The following CEP43 variants were observed in gnomAD, a reference collection of about 807,000 sequenced individuals.
CEP43 encodes the protein centrosomal protein 43, also known as FGFR1 oncogene partner.
In CEP43, 36 loss-of-function variants were observed where a neutral mutation model predicts 52.6. The ratio of observed to expected loss-of-function variants is 0.68; its 90% CI spans 0.52 to 0.90. The LOEUF is 0.90. CEP43 is among the 40% of genes least tolerant of loss of function. The pLI is 0.00. For missense variants in CEP43, 506 were observed against 472.8 expected (o/e 1.07, Z -0.65); for synonymous variants, 192 against 172.4 (o/e 1.11, Z -0.89).
intron 12 of CEP43, among the ~76,000 whole-genome samples, chr6:167,035,701 G>T (rs1259434633): frequency 1.3e-5 from 2 of 152,010 alleles, no homozygotes; most frequent in African/African-American, 4.8e-5. Flanking sequence ...CGCGTAGCTG[G>T]GACTACAGGC....
At chr6:167,003,093 T>C (rs747178511) in intron 2 of CEP43, 100 bp from the exon 3 acceptor site, 5 of 573,248 alleles carry the variant, frequency 8.7e-6, no homozygotes, top group South Asian at 2.5e-5. Context: ...AGAATGGATT[T>C]TGTAAAACCA....
chr6:167,003,174 AT>A lies in CEP43; in HGVS notation c.157-6del, dbSNP rs576046562. The A allele has an allele frequency of 0.091, 75,562 of 833,336 alleles. 3 individuals carry two copies. The highest frequency in any genetic ancestry group is 0.11 in the South Asian group (5,377 of 47,434). 51.6% of individuals were successfully genotyped at this position (833,336 alleles called of 1,614,324 possible). On this transcript the variant is annotated intron_variant, in intron 2 of 12. Coordinates refer to ENST00000366847, the MANE Select transcript of CEP43 (RefSeq NM_007045.4). ...TTTAGGGTAAACACATGACACTTAAATTTTTTTTTTTTTAACAGAACAAAAC... is the reference window on the plus strand; with the variant it reads ...TTTAGGGTAAACACATGACACTTAAATTTTTTTTTTTTAACAGAACAAAAC...
In CEP43 at chr6:167,002,168, A is replaced by G. The variant is rs1223561106; in HGVS notation, c.157-1025A>G. 2.6e-5 allele frequency among the ~76,000 whole-genome samples: 4 copies of G among 152,156 alleles called. No homozygotes were observed. The East Asian group carries it at 7.7e-4, about 29-fold the overall frequency. On this transcript the variant is annotated intron_variant, in intron 2 of 12. Transcript: ENST00000366847. ...CATATCCTTCAAACTTTTGACCTTC[A>G]AAAGTTTTCCTTGTGCCCCTTATGT...
intron 7 of CEP43, among the ~76,000 whole-genome samples, chr6:167,016,529 T>C (rs1031970531): frequency 6.6e-6 from 1 of 152,264 alleles, no homozygotes; most frequent in Middle Eastern, 3.2e-3. Context: ...CCCAAAGTGC[T>C]GGGATTACAG....
rs756608056 is a variant in CEP43 at position 167,026,539 on chromosome 6, G to A, written c.920-8G>A. The A allele has an allele frequency of 6.4e-7, 1 of 1,552,644 alleles. No individual in the cohort carries two copies. Among genetic ancestry groups the A allele is most frequent in the African/African-American group, 1.4e-5 (1 of 73,862 alleles). On this transcript the variant is annotated splice_polypyrimidine_tract_variant and splice_region_variant and intron_variant, in intron 9 of 12. Coordinates refer to ENST00000366847, the MANE Select transcript of CEP43 (RefSeq NM_007045.4). ...CACTCTAATGTTAATATTTTCTCCT[G>A]TTCACAGGTAAAAGGGGAAATACAG...
rs1780868549 is a variant in CEP43, at chr6:167,051,434, A to C, written c.*11456A>C. 6.6e-6 allele frequency: 1 copy of C among 152,326 alleles called. No individual in the cohort carries two copies. Among genetic ancestry groups the C allele is most frequent in the Non-Finnish European group, 1.5e-5 (1 of 68,126 alleles). The allele number at this position is 152,326 out of a possible 1,614,324, so 9.4% of individuals were successfully genotyped here. ...CTTGGCCCATGCCCAGGAATGACCAAGGGCAATTTGGAGATTAAAGTCAAG... is the reference window on the plus strand; with the variant it reads ...CTTGGCCCATGCCCAGGAATGACCACGGGCAATTTGGAGATTAAAGTCAAG... On this transcript the variant is annotated 3_prime_UTR_variant, in exon 13 of 13. Transcript: ENST00000366847.
At position 167,005,075 on chromosome 6, in the gene CEP43, CTG is replaced by C. The variant is rs1779822629; in HGVS notation, c.438+676_438+677del. On this transcript the variant is annotated intron_variant, in intron 5 of 12. Coordinates refer to ENST00000366847, the MANE Select transcript of CEP43 (RefSeq NM_007045.4). ...TTATAGATACAGGTAACATCTGTAA[CTG>C]TTCCAGATATTTGATTAAATGTGAG... 2.6e-5 allele frequency among the ~76,000 whole-genome samples: 4 copies of C among 152,256 alleles called. No homozygotes were observed. The South Asian group carries it at 8.3e-4, about 32-fold the overall frequency.
intron 2 of CEP43, 78 bp downstream of exon 2, chr6:167,000,191 T>C (rs1163248255): frequency 9.8e-6 from 11 of 1,124,946 alleles, no homozygotes; most frequent in East Asian, 9.6e-5. Context: ...GTCTTAAAAA[T>C]AGTTTATAGT....
At chr6:167,003,340 T>C (rs1282535575) in intron 3 of CEP43, 93 bp downstream of exon 3, 11 of 651,072 alleles carry the variant, frequency 1.7e-5, no homozygotes, top group Non-Finnish European at 2.6e-5. Flanking sequence ...GGCTTTTTTT[T>C]TGTCTTCAAT....
At position 167,051,072 on chromosome 6, in the gene CEP43, T is replaced by G. The variant is rs1780864665; in HGVS notation, c.*11094T>G. 1 of 152,152 alleles carries G rather than the reference T, an allele frequency of 6.6e-6. No homozygotes were observed. The highest frequency in any genetic ancestry group is 1.5e-5 in the Non-Finnish European group (1 of 68,022). 9.4% of individuals were successfully genotyped at this position (152,152 alleles called of 1,614,324 possible). A position where few individuals can be genotyped will look rare whatever the true frequency, so the allele number is the denominator to read the frequency against. On this transcript the variant is annotated 3_prime_UTR_variant, in exon 13 of 13. Transcript: ENST00000366847. Reference sequence around the variant, plus strand: ...GTTTCTTGTGTACTAAGTCAGCTTCTGGGTGGGGGCCAGAGGACCAGTTGA... The same window carrying G: ...GTTTCTTGTGTACTAAGTCAGCTTCGGGGTGGGGGCCAGAGGACCAGTTGA...
chr6:167,041,967 G>A lies in CEP43; in HGVS notation c.*1989G>A, dbSNP rs549611850. 40 of 396,908 alleles carry A rather than the reference G, an allele frequency of 1.0e-4. No homozygotes were observed. The East Asian group carries it at 3.3e-3, about 33-fold the overall frequency. The allele number at this position is 396,908 out of a possible 1,614,324, so 24.6% of individuals were successfully genotyped here. ...GCCTCCTGAGTAGCTGGGATTACAG[G>A]TGCACACCACCACGCCCGGCTAATT... is the stretch of plus-strand genomic sequence containing the variant. On this transcript the variant is annotated 3_prime_UTR_variant, in exon 13 of 13. Coordinates refer to ENST00000366847, the MANE Select transcript of CEP43 (RefSeq NM_007045.4).
intron 2 of CEP43, among the ~76,000 whole-genome samples, chr6:167,002,590 C>T (rs973620744): frequency 2.6e-5 from 4 of 152,196 alleles, no homozygotes; most frequent in African/African-American, 7.2e-5. Context: ...TTCCCATCAG[C>T]AGTGTATGAG....
intron 9 of CEP43, 172 bp downstream of exon 9, chr6:167,025,066 G>C (rs1260026900): frequency 3.7e-6 from 2 of 537,874 alleles, no homozygotes; most frequent in African/African-American, 3.9e-5. Context: ...CTTCTAAGGT[G>C]GTCCTATTTT....
chr6:167,008,135 T>C (rs549785404), intron 5 of CEP43, among the ~76,000 whole-genome samples: 99 of 152,314 alleles, frequency 6.5e-4, no homozygotes, highest in South Asian at 1.2e-3. Flanking sequence ...TTTTTTTTTT[T>C]TTAATGTGGA....
At chr6:167,002,242 C>T (rs1013481229) in intron 2 of CEP43, among the ~76,000 whole-genome samples, 2 of 151,984 alleles carry the variant, frequency 1.3e-5, no homozygotes, top group Non-Finnish European at 2.9e-5. Context: ...TAAATGGAAT[C>T]GTATAGTAGG....
intron 5 of CEP43, among the ~76,000 whole-genome samples, chr6:167,006,358 T>G (rs1779853886): frequency 6.6e-6 from 1 of 151,830 alleles, no homozygotes. Flanking sequence ...CTACTAAAAA[T>G]AGAAAAATTA....
Position 167,038,234 on chromosome 6 carries a change from G to A in CEP43, c.1126-1670G>A, listed in dbSNP as rs111490670. On this transcript the variant is annotated intron_variant, in intron 12 of 12. Transcript: ENST00000366847. ...GTTTAAACAGAAGTAGAAATGAGTC[G>A]TTTCTTACAACACTTTGTGAACCCG... Among the ~76,000 whole-genome samples, 586 of 152,264 alleles carry A rather than the reference G, an allele frequency of 3.8e-3. 4 individuals carry two copies. The highest frequency in any genetic ancestry group is 5.5e-3 in the Non-Finnish European group (374 of 68,008).
At chr6:167,022,911 C>T (rs1780270318) in intron 8 of CEP43, among the ~76,000 whole-genome samples, 1 of 152,070 alleles carries the variant, frequency 6.6e-6, no homozygotes, top group Admixed American at 6.5e-5. Flanking sequence ...AGAGGGAAGA[C>T]TCCTGCCCTC....
Position 167,040,449 on chromosome 6 carries a change from G to A in CEP43, c.*471G>A, listed in dbSNP as rs555550105. The A allele has an allele frequency of 3.1e-5, 38 of 1,212,552 alleles. No individual in the cohort carries two copies. The highest frequency in any genetic ancestry group is 4.2e-5 in the Admixed American group (1 of 23,862). The allele number at this position is 1,212,552 out of a possible 1,614,324, so 75.1% of individuals were successfully genotyped here. On this transcript the variant is annotated 3_prime_UTR_variant, in exon 13 of 13. Transcript: ENST00000366847. ...CTACACATAGTTGGCAAAATGACTTGGTAAATTTGTAATGCTGAAGTATAT... is the reference window on the plus strand; with the variant it reads ...CTACACATAGTTGGCAAAATGACTTAGTAAATTTGTAATGCTGAAGTATAT...
Sources: gnomAD v4.1 joint callset for allele counts (sites outside exome capture counted in the v4.1 genomes callset) on GRCh38, gnomAD v4.1.1 for gene constraint, MANE v1.5 for transcripts, NCBI Gene and HGNC (gene_info 2026-07-23, HGNC 2026-07-21) for gene names.